The following SPATA9 variants were observed in gnomAD, a reference collection of about 807,000 sequenced individuals.
The protein encoded by SPATA9 is spermatogenesis-associated protein 9.
A neutral mutation model predicts 25.5 loss-of-function variants in SPATA9; 27 were observed. The ratio of observed to expected loss-of-function variants is 1.06; its 90% confidence interval spans 0.78 to 1.46. SPATA9 has a LOEUF of 1.46. Among genes scored for constraint, SPATA9 ranks in the 40% most tolerant of loss-of-function variants. The pLI, the probability that SPATA9 is intolerant of heterozygous loss-of-function variation, is 0.00. For synonymous variants in SPATA9, 102 were observed against 105.7 expected, an observed-to-expected ratio of 0.97 and a Z score of 0.21; for missense variants, 282 against 297.5, an observed-to-expected ratio of 0.95 and a Z score of 0.38.
the SPATA9 span, among the ~76,000 whole-genome samples, chr5:95,725,885 A>G: frequency 6.6e-6 from 1 of 152,110 alleles, no homozygotes; most frequent in Admixed American, 6.6e-5. Context: ...TGCATAAAAC[A>G]CAGTTTTTAT....
At chr5:95,698,771 G>T (rs1313759565), upstream of SPATA9, 2 of 151,936 alleles carry the variant, frequency 1.3e-5, no homozygotes, top group African/African-American at 4.8e-5. Context: ...ATTAACATTT[G>T]GTTTATTACA....
At position 95,672,679 on chromosome 5, in the gene SPATA9, C is replaced by G. The variant is rs566542149; in HGVS notation, c.378+2733G>C. On this transcript the variant is annotated intron_variant, in intron 3 of 4. Coordinates refer to ENST00000274432, the MANE Select transcript of SPATA9 (RefSeq NM_031952.4). ...CTGACCTTACACAAGTCACTTAGTC[C>G]CTAAGCCTGTTTTTCTTAGGTTCCT... 3.7e-4 allele frequency among the ~76,000 whole-genome samples: 57 copies of G among 152,218 alleles called. 1 individual carries two copies. The South Asian group carries it at 0.011, about 30-fold the overall frequency.
chr5:95,713,914 G>A, the SPATA9 span, among the ~76,000 whole-genome samples: 2 of 151,576 alleles, frequency 1.3e-5, no homozygotes, highest in African/African-American at 4.9e-5. Context: ...ATACACATGT[G>A]CATATATATA....
At position 95,675,379 on chromosome 5, in the gene SPATA9, AAG is replaced by A. The variant is rs1752826777; in HGVS notation, c.378+31_378+32del. 1.1e-5 allele frequency: 17 copies of A among 1,536,694 alleles called. No individual in the cohort carries two copies. In the East Asian group the frequency reaches 3.8e-4, roughly 35 times the overall value. ...TTGCAAATTTAAAAGTTTCTTAAAA[AAG>A]GGGAATTGTGCATATGCAGTATTCC... On this transcript the variant is annotated intron_variant, in intron 3 of 4. Transcript: ENST00000274432.
chr5:95,658,699 G>A lies in SPATA9; in HGVS notation c.689C>T (p.Ala230Val). ...PDISDYPKLLANKQSNNIQVL... is the reference protein window; with the variant it reads ...PDISDYPKLLVNKQSNNIQVL... Reference sequence around the variant, plus strand: ...TTGGATGTTATTACTCTGCTTATTAGCAAGAAGCTTGGGGTAATCTGAAAT... The same window carrying A: ...TTGGATGTTATTACTCTGCTTATTAACAAGAAGCTTGGGGTAATCTGAAAT... The change falls in exon 5 of 5, where the codon GCT (alanine) becomes GTT (valine). Residue 230 changes from alanine to valine, a missense_variant. Physicochemically the swap from Ala to Val is moderately conservative, Grantham distance 64 (BLOSUM62 0). Coordinates refer to ENST00000274432, the MANE Select transcript of SPATA9 (RefSeq NM_031952.4). 6.2e-7 allele frequency: 1 copy of A among 1,613,698 alleles called. No individual in the cohort carries two copies. The highest frequency in any genetic ancestry group is 8.5e-7 in the Non-Finnish European group (1 of 1,179,838).
At chr5:95,715,249 G>A in the SPATA9 span, among the ~76,000 whole-genome samples, 53 of 151,796 alleles carry the variant, frequency 3.5e-4, no homozygotes, top group African/African-American at 1.0e-3. Flanking sequence ...GCATGAACCC[G>A]GGAGGCAGAG....
chr5:95,696,463 T>A (rs952239448), intron 1 of SPATA9, among the ~76,000 whole-genome samples: 1 of 152,162 alleles, frequency 6.6e-6, no homozygotes, highest in African/African-American at 2.4e-5. Flanking sequence ...GTACATTGTT[T>A]TGGGTGAAAT....
At chr5:95,675,015 G>A (rs1183701719) in intron 3 of SPATA9, among the ~76,000 whole-genome samples, 1 of 152,126 alleles carries the variant, frequency 6.6e-6, no homozygotes, top group Non-Finnish European at 1.5e-5. Context: ...TGTAGAAAAC[G>A]TAATTTGAAT....
the SPATA9 span, among the ~76,000 whole-genome samples, chr5:95,714,213 A>G: frequency 6.6e-6 from 1 of 152,160 alleles, no homozygotes; most frequent in African/African-American, 2.4e-5. Context: ...AGGCAATTGG[A>G]TATACAGGCT....
the SPATA9 span, chr5:95,731,649 T>C: frequency 3.7e-6 from 6 of 1,612,674 alleles, no homozygotes; most frequent in African/African-American, 4.0e-5. Context: ...GCTGCTTTTC[T>C]CCGAGTCGCC....
chr5:95,726,959 T>TC, the SPATA9 span, among the ~76,000 whole-genome samples: 1 of 150,782 alleles, frequency 6.6e-6, no homozygotes, highest in Non-Finnish European at 1.5e-5. Flanking sequence ...TAATTTCGTT[T>TC]CCCCCCTTTT....
At chr5:95,727,145 T>G in the SPATA9 span, among the ~76,000 whole-genome samples, 1 of 152,176 alleles carries the variant, frequency 6.6e-6, no homozygotes, top group Non-Finnish European at 1.5e-5. Context: ...AACTTTAATA[T>G]TTTTTTAAAA....
upstream of SPATA9, chr5:95,684,872 T>A (rs1753700583): frequency 6.6e-6 from 1 of 152,226 alleles, no homozygotes; most frequent in Non-Finnish European, 1.5e-5. Context: ...TAGGAAACAA[T>A]TAAAAATATC....
intron 2 of SPATA9, among the ~76,000 whole-genome samples, chr5:95,676,822 T>C (rs1048586616): frequency 6.6e-6 from 1 of 152,248 alleles, no homozygotes; most frequent in African/African-American, 2.4e-5. Context: ...TCTATTCAAC[T>C]GCTTCAGTGG....
At chr5:95,694,706 TTC>T (rs530801160) in intron 1 of SPATA9, among the ~76,000 whole-genome samples, 58 of 152,336 alleles carry the variant, frequency 3.8e-4, no homozygotes, top group African/African-American at 1.3e-3. Context: ...ACAAAAATAA[TTC>T]TTACATGTGA....
At chr5:95,711,829 A>T in the SPATA9 span, among the ~76,000 whole-genome samples, 1 of 152,208 alleles carries the variant, frequency 6.6e-6, no homozygotes, top group East Asian at 1.9e-4. Flanking sequence ...AAACTTAACC[A>T]TTGATTTTTA....
At chr5:95,666,488 G>A (rs1256463935) in intron 3 of SPATA9, among the ~76,000 whole-genome samples, 3 of 152,090 alleles carry the variant, frequency 2.0e-5, no homozygotes, top group Admixed American at 6.5e-5. Context: ...ATAAGAAAAT[G>A]CTTGTAAAAT....
chr5:95,704,665 T>C, the SPATA9 span, among the ~76,000 whole-genome samples: 1 of 152,180 alleles, frequency 6.6e-6, no homozygotes, highest in African/African-American at 2.4e-5. Context: ...TATATTGCCT[T>C]AGTCCATTTG....
chr5:95,702,862 T>C (rs1219957012), upstream of SPATA9, among the ~76,000 whole-genome samples: 1 of 152,140 alleles, frequency 6.6e-6, no homozygotes, highest in Non-Finnish European at 1.5e-5. Flanking sequence ...GCCTGGGTGA[T>C]AGAGCAAGAC....
Sources: gnomAD v4.1 joint callset for allele counts (sites outside exome capture counted in the v4.1 genomes callset) on GRCh38, gnomAD v4.1.1 for gene constraint, MANE v1.5 for transcripts, NCBI Gene and HGNC (gene_info 2026-07-23, HGNC 2026-07-21) for gene names.